The following PLA2G5 variants were observed in gnomAD, a reference collection of about 807,000 sequenced individuals.
PLA2G5 encodes Ca2+-dependent phospholipase A2.
PLA2G5 carries 12 observed loss-of-function variants against 15.9 expected under a neutral mutation model. That is an observed-to-expected ratio of 0.76 (90% CI 0.48 to 1.23). The LOEUF (loss-of-function observed/expected upper bound fraction) is 1.23. PLA2G5 is among the 50% of genes most tolerant of loss of function. The probability of loss-of-function intolerance (pLI) is 0.00; values close to 1 mark genes in which losing one functional copy is unlikely to be tolerated. For synonymous variants in PLA2G5, 71 were observed against 71.4 expected (o/e 0.99, Z 0.03); for missense variants, 169 against 177.1 (o/e 0.95, Z 0.26).
intron 1 of PLA2G5, chr1:20,028,836 A>G (rs2012707118): frequency 6.6e-6 from 1 of 152,274 alleles, no homozygotes; most frequent in African/African-American, 2.4e-5. Flanking sequence ...AGGTTCCCTC[A>G]TACCCCTTGC....
chr1:20,075,635 TTA>T (rs1410770158), intron 1 of PLA2G5, among the ~76,000 whole-genome samples: 3 of 152,152 alleles, frequency 2.0e-5, no homozygotes, highest in Non-Finnish European at 4.4e-5. Flanking sequence ...TTGTATTGGC[TTA>T]TGAGGGCTGA....
Position 20,029,303 on chromosome 1 carries a change from G to A in PLA2G5, n.276+594G>A, listed in dbSNP as rs1048192764. 2.2e-4 allele frequency among the ~76,000 whole-genome samples: 33 copies of A among 152,080 alleles called. 1 individual carries two copies. The highest frequency in any genetic ancestry group is 1.6e-3 in the Admixed American group (24 of 15,266). On this transcript the variant is annotated intron_variant and non_coding_transcript_variant, in intron 1 of 6. Coordinates refer to the PLA2G5 transcript ENST00000460175. ...CCTGCCAGCATGCTATTGCCTGTTGGTGCATTCCTCTCAACGTCCAGCCAC... is the reference window on the plus strand; with the variant it reads ...CCTGCCAGCATGCTATTGCCTGTTGATGCATTCCTCTCAACGTCCAGCCAC...
intron 1 of PLA2G5, among the ~76,000 whole-genome samples, chr1:20,051,547 G>T (rs1305965114): frequency 2.6e-5 from 4 of 152,124 alleles, no homozygotes; most frequent in African/African-American, 9.7e-5. Context: ...GAACATATTT[G>T]TTTATCTCCA....
chr1:20,087,876 T>A (rs181931556), intron 3 of PLA2G5, among the ~76,000 whole-genome samples: 30 of 152,310 alleles, frequency 2.0e-4, no homozygotes, highest in Admixed American at 1.2e-3. Context: ...GAGCCCCCAG[T>A]GGCCAACCCT....
intron 3 of PLA2G5, among the ~76,000 whole-genome samples, chr1:20,088,079 C>T (rs1001200587): frequency 2.6e-5 from 4 of 151,792 alleles, no homozygotes; most frequent in African/African-American, 7.3e-5. Context: ...GACCATGGGC[C>T]GGGCGCGGTG....
At chr1:20,033,443 G>A (rs2013078394) in intron 1 of PLA2G5, among the ~76,000 whole-genome samples, 1 of 152,154 alleles carries the variant, frequency 6.6e-6, no homozygotes, top group Non-Finnish European at 1.5e-5. Flanking sequence ...ACATATACCT[G>A]CTATAAGCAA....
rs55783628 is a variant in PLA2G5, at chr1:20,052,886, C to T, written n.277-6746C>T. Among the ~76,000 whole-genome samples, 436 of 152,080 alleles carry T rather than the reference C, an allele frequency of 2.9e-3. 3 individuals are homozygous for T. The highest frequency in any genetic ancestry group is 9.0e-3 in the African/African-American group (373 of 41,494). On this transcript the variant is annotated intron_variant and non_coding_transcript_variant, in intron 1 of 6. Coordinates refer to the PLA2G5 transcript ENST00000460175. ...ATTGCCTCCTTTAGAGAGGCTAATG[C>T]GAAACTCAAAAGAATGCCACCATCT...
At chr1:20,033,256 AT>A (rs2013063330) in intron 1 of PLA2G5, among the ~76,000 whole-genome samples, 1 of 152,188 alleles carries the variant, frequency 6.6e-6, no homozygotes, top group Non-Finnish European at 1.5e-5. Flanking sequence ...GCTTCCGTTA[AT>A]GAACCACGTA....
At chr1:20,040,024 T>C (rs544592013) in intron 1 of PLA2G5, among the ~76,000 whole-genome samples, 1 of 152,326 alleles carries the variant, frequency 6.6e-6, no homozygotes, top group African/African-American at 2.4e-5. Context: ...TCTACTCTTG[T>C]ATTCAAAATA....
Position 20,091,034 on chromosome 1 carries a change from T to G in PLA2G5, c.*342T>G. 4.7e-6 allele frequency: 1 copy of G among 211,000 alleles called. No homozygotes were observed. The highest frequency in any genetic ancestry group is 9.5e-6 in the Non-Finnish European group (1 of 105,116). 13.1% of individuals were successfully genotyped at this position (211,000 alleles called of 1,614,324 possible). On this transcript the variant is annotated 3_prime_UTR_variant, in exon 5 of 5. Coordinates refer to ENST00000375108, the MANE Select transcript of PLA2G5 (RefSeq NM_000929.3). Reference sequence around the variant, plus strand: ...GTTGGAACACTTTCCTGAGATGCACTTACTTCTCAGCTTCTGCGATCAGAT... The same window carrying G: ...GTTGGAACACTTTCCTGAGATGCACGTACTTCTCAGCTTCTGCGATCAGAT...
At chr1:20,077,424 G>A (rs2015747292) in intron 1 of PLA2G5, among the ~76,000 whole-genome samples, 1 of 152,152 alleles carries the variant, frequency 6.6e-6, no homozygotes. Flanking sequence ...TGGGCAGTGG[G>A]GTGAGAATGG....
chr1:20,044,639 A>T (rs2100362103), intron 1 of PLA2G5, among the ~76,000 whole-genome samples: 1 of 152,168 alleles, frequency 6.6e-6, no homozygotes, highest in East Asian at 1.9e-4. Flanking sequence ...AGCTCCAGCC[A>T]CCTCTTTAAG....
At chr1:20,055,617 G>T (rs559220758) in intron 1 of PLA2G5, among the ~76,000 whole-genome samples, 3 of 152,136 alleles carry the variant, frequency 2.0e-5, no homozygotes, top group Non-Finnish European at 4.4e-5. Flanking sequence ...CTTACTCTGG[G>T]AATTGGAGAC....
intron 1 of PLA2G5, among the ~76,000 whole-genome samples, chr1:20,037,212 G>T (rs1339552516): frequency 1.3e-5 from 2 of 152,204 alleles, no homozygotes; most frequent in Non-Finnish European, 2.9e-5. Flanking sequence ...TGGGGTTCAA[G>T]CGTTGCTGTT....
At chr1:20,057,089 T>C (rs2014470357) in intron 1 of PLA2G5, among the ~76,000 whole-genome samples, 1 of 152,142 alleles carries the variant, frequency 6.6e-6, no homozygotes, top group South Asian at 2.1e-4. Context: ...ACTAGTTTTT[T>C]GTGTATTCTC....
intron 1 of PLA2G5, among the ~76,000 whole-genome samples, chr1:20,034,347 G>A (rs2013131899): frequency 6.6e-6 from 1 of 152,158 alleles, no homozygotes; most frequent in Non-Finnish European, 1.5e-5. Context: ...ACTTTGGGAA[G>A]CCAGATCCAA....
chr1:20,067,032 G>A (rs2015067225), upstream of PLA2G5, among the ~76,000 whole-genome samples: 1 of 151,622 alleles, frequency 6.6e-6, no homozygotes, highest in Admixed American at 6.6e-5. Flanking sequence ...GTCACACTCT[G>A]TCACCCAGGC....
chr1:20,044,487 G>A (rs2013789180), intron 1 of PLA2G5, among the ~76,000 whole-genome samples: 1 of 152,166 alleles, frequency 6.6e-6, no homozygotes, highest in Non-Finnish European at 1.5e-5. Flanking sequence ...TGGGTCCAAG[G>A]CTGTAAAGCG....
chr1:20,041,053 G>A (rs575132243), intron 1 of PLA2G5, among the ~76,000 whole-genome samples: 1 of 152,344 alleles, frequency 6.6e-6, no homozygotes, highest in African/African-American at 2.4e-5. Flanking sequence ...TCCTGAGGCT[G>A]TGTCATGGGT....
Sources: gnomAD v4.1 joint callset for allele counts (sites outside exome capture counted in the v4.1 genomes callset) on GRCh38, gnomAD v4.1.1 for gene constraint, MANE v1.5 for transcripts, NCBI Gene and HGNC (gene_info 2026-07-23, HGNC 2026-07-21) for gene names.